Variants in CDH18 observed in about 807,000 individuals in gnomAD.
CDH18 encodes cadherin 18.
A neutral mutation model predicts 67.9 loss-of-function variants in CDH18; 31 were observed. The observed-to-expected ratio is 0.46, with a 90% CI of 0.34 to 0.62. The LOEUF (loss-of-function observed/expected upper bound fraction) is 0.62, where lower values mean the gene tolerates loss of function less well. CDH18 is among the 20% of genes least tolerant of loss of function. The pLI is 0.01. For synonymous variants in CDH18, 362 were observed against 347.2 expected (o/e 1.04, Z -0.48); for missense variants, 890 against 975.5 (o/e 0.91, Z 1.17).
At chr5:19,988,756 C>T (rs1799804206), upstream of CDH18, among the ~76,000 whole-genome samples, 1 of 152,124 alleles carries the variant, frequency 6.6e-6, no homozygotes, top group South Asian at 2.1e-4. Flanking sequence ...GCCTGCTAAA[C>T]ATTCAACTGC....
At chr5:20,456,972 T>C (rs761456536) in intron 1 of CDH18, among the ~76,000 whole-genome samples, 4 of 152,202 alleles carry the variant, frequency 2.6e-5, no homozygotes, top group Non-Finnish European at 4.4e-5. Context: ...TTCCACACAA[T>C]TATGTGTACA....
intron 5 of CDH18, among the ~76,000 whole-genome samples, chr5:19,677,637 G>A (rs1038662999): frequency 6.6e-6 from 1 of 151,736 alleles, no homozygotes; most frequent in Non-Finnish European, 1.5e-5. Context: ...GAAGAAGCAA[G>A]TCCAAAGTGT....
chr5:20,511,682 C>A (rs1755045855), intron 1 of CDH18, among the ~76,000 whole-genome samples: 1 of 152,072 alleles, frequency 6.6e-6, no homozygotes, highest in African/African-American at 2.4e-5. Context: ...GTAAATTTAT[C>A]TGCTCTGATA....
chr5:19,670,328 C>A (rs1198328862), intron 5 of CDH18, among the ~76,000 whole-genome samples: 3 of 151,900 alleles, frequency 2.0e-5, no homozygotes, highest in African/African-American at 7.2e-5. Context: ...ACAGAAAATT[C>A]TGTTAGTGAA....
intron 2 of CDH18, among the ~76,000 whole-genome samples, chr5:19,866,157 T>C (rs1397409429): frequency 2.0e-5 from 3 of 152,202 alleles, no homozygotes; most frequent in South Asian, 4.1e-4. Flanking sequence ...TTAAAACACA[T>C]GAAGCATTTT....
chr5:20,502,307 T>A (rs936483860), intron 1 of CDH18, among the ~76,000 whole-genome samples: 1 of 152,126 alleles, frequency 6.6e-6, no homozygotes, highest in African/African-American at 2.4e-5. Flanking sequence ...CCTGTGAAAA[T>A]ATGAGTAAGA....
chr5:20,446,208 T>G (rs983285691), intron 1 of CDH18, among the ~76,000 whole-genome samples: 4 of 152,184 alleles, frequency 2.6e-5, no homozygotes, highest in African/African-American at 9.6e-5. Flanking sequence ...AATTTTCACC[T>G]GTGCCCTAGT....
At chr5:19,853,174 G>C (rs1783903323) in intron 2 of CDH18, among the ~76,000 whole-genome samples, 1 of 152,052 alleles carries the variant, frequency 6.6e-6, no homozygotes, top group Admixed American at 6.6e-5. Context: ...CCCATATCAA[G>C]GTTCTGGCTG....
At chr5:20,392,328 CAA>C (rs1744930569) in intron 1 of CDH18, among the ~76,000 whole-genome samples, 1 of 151,618 alleles carries the variant, frequency 6.6e-6, no homozygotes. Context: ...CAATGTCAAA[CAA>C]GAGAAATTAT....
chr5:19,629,336 A>T (rs191378656), intron 5 of CDH18, among the ~76,000 whole-genome samples: 1 of 152,286 alleles, frequency 6.6e-6, no homozygotes, highest in Admixed American at 6.5e-5. Context: ...AGAGGTATCT[A>T]TGTGAAAGTC....
At chr5:19,661,734 A>G (rs944321830) in intron 5 of CDH18, among the ~76,000 whole-genome samples, 1 of 152,100 alleles carries the variant, frequency 6.6e-6, no homozygotes, top group African/African-American at 2.4e-5. Context: ...TGGAGATGAG[A>G]AAAACTCTAC....
At chr5:20,423,814 A>T (rs1184889412) in intron 1 of CDH18, among the ~76,000 whole-genome samples, 2 of 149,902 alleles carry the variant, frequency 1.3e-5, no homozygotes, top group East Asian at 3.9e-4. Flanking sequence ...GGGCGTGGTG[A>T]TGGGCGCCTG....
At chr5:19,480,144 C>T (rs912966157) in intron 12 of CDH18, among the ~76,000 whole-genome samples, 1 of 151,860 alleles carries the variant, frequency 6.6e-6, no homozygotes, top group Admixed American at 6.6e-5. Flanking sequence ...AGAGTAAGAA[C>T]GCTGGAAGAA....
At chr5:19,924,581 G>A (rs1445682172) in intron 2 of CDH18, among the ~76,000 whole-genome samples, 2 of 152,124 alleles carry the variant, frequency 1.3e-5, no homozygotes, top group East Asian at 1.9e-4. Flanking sequence ...AGCCCAGATC[G>A]CAGCACTGCA....
chr5:20,351,129 C>T (rs898242433), intron 1 of CDH18, among the ~76,000 whole-genome samples: 20 of 150,790 alleles, frequency 1.3e-4, no homozygotes, highest in Non-Finnish European at 3.0e-4. Context: ...TACTTTCTGA[C>T]ATTTACCTGC....
At chr5:19,896,223 G>C (rs1477700197) in intron 2 of CDH18, among the ~76,000 whole-genome samples, 1 of 151,974 alleles carries the variant, frequency 6.6e-6, no homozygotes, top group African/African-American at 2.4e-5. Flanking sequence ...TCAGGGCATG[G>C]TGGTGGCAGC....
intron 2 of CDH18, among the ~76,000 whole-genome samples, chr5:20,088,371 A>G (rs977936081): frequency 6.6e-6 from 1 of 152,230 alleles, no homozygotes; most frequent in African/African-American, 2.4e-5. Context: ...TAAGTTTCGG[A>G]ATGGTCATAT....
intron 1 of CDH18, among the ~76,000 whole-genome samples, chr5:20,500,390 G>C (rs895494278): frequency 5.3e-5 from 8 of 152,080 alleles, no homozygotes; most frequent in Admixed American, 2.6e-4. Context: ...GGGTTTCAAG[G>C]AAACAAATTC....
intron 2 of CDH18, among the ~76,000 whole-genome samples, chr5:20,081,636 T>C (rs1273972209): frequency 7.9e-5 from 12 of 152,088 alleles, no homozygotes; most frequent in Non-Finnish European, 1.0e-4. Context: ...ATATTATGTC[T>C]TTTGCAAAAA....
Sources: gnomAD v4.1 joint callset for allele counts (sites outside exome capture counted in the v4.1 genomes callset) on GRCh38, gnomAD v4.1.1 for gene constraint, MANE v1.5 for transcripts, NCBI Gene and HGNC (gene_info 2026-07-23, HGNC 2026-07-21) for gene names.